DDX54: variants seen among roughly 807,000 people sequenced by gnomAD.
DDX54 encodes DEAD-box helicase 54, also known as ATP-dependent RNA helicase DDX54.
A neutral mutation model predicts 105.5 loss-of-function variants in DDX54; 67 were observed. That is an observed-to-expected ratio of 0.64 (90% CI 0.52 to 0.78). The LOEUF (loss-of-function observed/expected upper bound fraction) is 0.78. DDX54 is among the 30% of genes least tolerant of loss of function. The pLI is 0.00. For missense variants in DDX54, 1,206 were observed against 1,230.5 expected, an observed-to-expected ratio of 0.98 and a Z score of 0.30; for synonymous variants, 514 against 509.9, an observed-to-expected ratio of 1.01 and a Z score of -0.11.
chr12:113,157,998 G>C lies in DDX54; in HGVS notation c.*879C>G. 1 of 392,576 alleles carries C rather than the reference G, an allele frequency of 2.5e-6. No individual in the cohort carries two copies. Among genetic ancestry groups the C allele is most frequent in the East Asian group, 4.6e-5 (1 of 21,876 alleles). The allele number at this position is 392,576 out of a possible 1,614,324, so 24.3% of individuals were successfully genotyped here. A position where few individuals can be genotyped will look rare whatever the true frequency, so the allele number is the denominator to read the frequency against. On this transcript the variant is annotated 3_prime_UTR_variant, in exon 20 of 20. Transcript: ENST00000306014. The stretch of plus-strand genomic sequence containing the variant: ...GGGCATGAAAAAAAACTCTTTGTCA[G>C]GTCTCAGAACAGGGTCCATGCTAGA...
chr12:113,162,913 G>A lies in DDX54; in HGVS notation c.2195+19C>T, dbSNP rs1288830553. 11 of 1,561,778 alleles carry A rather than the reference G, an allele frequency of 7.0e-6. No individual in the cohort carries two copies. The highest frequency in any genetic ancestry group is 1.2e-5 in the South Asian group (1 of 83,292). On this transcript the variant is annotated intron_variant, in intron 17 of 19. Coordinates refer to ENST00000306014, the MANE Select transcript of DDX54 (RefSeq NM_024072.4). ...TCACTCACCCCGAGCATGGAGGGGC[G>A]GCTCACTCGATCACTCACCACTTGA...
intron 14 of DDX54, among the ~76,000 whole-genome samples, chr12:113,165,336 G>A (rs1952257969): frequency 6.6e-6 from 1 of 152,186 alleles, no homozygotes; most frequent in South Asian, 2.1e-4. Flanking sequence ...CCAGAAGCAT[G>A]TCACTTCCCC....
In DDX54 at chr12:113,181,233, T is replaced by C. The variant is rs552185322; in HGVS notation, c.175-175A>G. On this transcript the variant is annotated intron_variant, in intron 1 of 19. Transcript: ENST00000306014. ...CTTTGGCTGGGCCAGGACAGAAGTTTAGAGTGGGGTCTGCAGATAGACTGT... is the reference window on the plus strand; with the variant it reads ...CTTTGGCTGGGCCAGGACAGAAGTTCAGAGTGGGGTCTGCAGATAGACTGT... Among the ~76,000 whole-genome samples the C allele has an allele frequency of 8.5e-5, 13 of 152,234 alleles. No individual in the cohort carries two copies. In the South Asian group the frequency reaches 2.7e-3, roughly 32 times the overall value.
In DDX54 at chr12:113,180,978, C is replaced by T. The variant is rs1316515749; in HGVS notation, c.255G>A (p.Val85=). The T allele has an allele frequency of 1.2e-6, 2 of 1,613,850 alleles. No individual in the cohort carries two copies. The highest frequency in any genetic ancestry group is 1.3e-5 in the African/African-American group (1 of 75,038). Residue 85 remains valine, a synonymous_variant, in exon 2 of 20, where the codon GTG becomes GTA. Transcript: ENST00000306014. ...SDVEPDTREM[V]RAQNKKKKKS... The stretch of plus-strand genomic sequence containing the variant: ...TCTTCTTCTTCTTGTTCTGGGCACG[C>T]ACCATCTCCCGGGTGTCCGGCTCCA...
intron 19 of DDX54, 65 bp from the exon 20 acceptor site, chr12:113,159,174 A>G (rs1952175272): frequency 6.7e-7 from 1 of 1,491,410 alleles, no homozygotes; most frequent in African/African-American, 1.4e-5. Context: ...CTCCTCCCAG[A>G]AGCTTGCAGA....
Position 113,179,208 on chromosome 12 carries a change from C to T in DDX54, c.499G>A (p.Ala167Thr). The T allele has an allele frequency of 3.7e-6, 6 of 1,614,092 alleles. No individual in the cohort carries two copies. Among genetic ancestry groups the T allele is most frequent in the Non-Finnish European group, 5.1e-6 (6 of 1,180,002 alleles). ...RLKTHSAQTG[A>T]RALILSPTRE... ...GTCGGCGAGAGGATGAGGGCGCGGG[C>T]CCCGGTCTGGGCACTGTGGGTCTTG... Residue 167 changes from alanine (A) to threonine (T), a missense_variant, in exon 4 of 20, where the codon GCC becomes ACC. Coordinates refer to ENST00000306014, the MANE Select transcript of DDX54 (RefSeq NM_024072.4).
intron 19 of DDX54, among the ~76,000 whole-genome samples, chr12:113,160,156 A>G (rs1208168206): frequency 2.6e-5 from 4 of 152,198 alleles, no homozygotes; most frequent in Admixed American, 2.6e-4. Context: ...AGCCATGCTG[A>G]CAAGGAGACA....
At chr12:113,164,537 A>G (rs1193606024) in intron 14 of DDX54, among the ~76,000 whole-genome samples, 1 of 151,762 alleles carries the variant, frequency 6.6e-6, no homozygotes, top group Non-Finnish European at 1.5e-5. Flanking sequence ...AACACGGCGA[A>G]ACCCCATCTC....
At chr12:113,172,958 AT>A (rs568371025) in intron 10 of DDX54, among the ~76,000 whole-genome samples, 4,326 of 152,272 alleles carry the variant, frequency 0.028, 117 homozygotes, top group African/African-American at 0.07. Flanking sequence ...TTTGTGCCTT[AT>A]TATGAGGATC....
rs1419234748 is a variant in DDX54, at chr12:113,163,019, G to C, written c.2108C>G (p.Ala703Gly). Residue 703 changes from alanine (A) to glycine (G), a missense_variant, in exon 17 of 20, where the codon GCC (alanine) becomes GGC (glycine). This residue lies in a region of DDX54 where 961 missense variants were observed against 1,019.1 expected (regional missense o/e 0.94). Transcript: ENST00000306014. The surrounding 1 kb of genome is among the most constrained non-coding windows in gnomAD (Gnocchi z 5.9). ...RGLSISGEGG[A>G]FEQQAAGAVL... ...AGCGCCAGCTGCCTGCTGCTCAAAG[G>C]CTCCCCCTTCCCCGCTGATGCTCAG... The C allele has an allele frequency of 6.2e-7, 1 of 1,609,702 alleles. No individual in the cohort carries two copies. The highest frequency in any genetic ancestry group is 1.7e-5 in the Admixed American group (1 of 59,932).
At chr12:113,175,650 G>A (rs1167504432) in intron 7 of DDX54, among the ~76,000 whole-genome samples, 3 of 152,106 alleles carry the variant, frequency 2.0e-5, no homozygotes, top group Admixed American at 6.5e-5. Context: ...TTAGCCGGGC[G>A]TGGTGGCGGG....
Position 113,176,928 on chromosome 12 carries a change from C to A in DDX54, c.664G>T (p.Ala222Ser). The change falls in exon 7 of 20, where the codon GCC becomes TCC. Residue 222 changes from alanine to serine, a missense_variant. Coordinates refer to ENST00000306014, the MANE Select transcript of DDX54 (RefSeq NM_024072.4). ...ACATGCACCAACCGTCCGGGCGTGG[C>A]AATAATTCTGGAAGAGGGTGCACAG... ...ALHENPDIII[A>S]TPGRLVHVAV... 1 of 1,614,166 alleles carries A rather than the reference C, an allele frequency of 6.2e-7. No individual in the cohort carries two copies. The highest frequency in any genetic ancestry group is 1.1e-5 in the South Asian group (1 of 91,078).
intron 1 of DDX54, 105 bp downstream of exon 1, chr12:113,185,173 C>A: frequency 7.3e-7 from 1 of 1,370,322 alleles, no homozygotes; most frequent in Non-Finnish European, 9.5e-7. Flanking sequence ...CCTCCCTCCC[C>A]ACACTCTGCG....
In DDX54 at chr12:113,158,996, G is replaced by GCAGGAAGTGCAGCTT; in HGVS notation, c.2512_2526dup (p.Lys838_Leu842dup). The GCAGGAAGTGCAGCTT allele has an allele frequency of 6.2e-7, 1 of 1,611,566 alleles. No homozygotes were observed. Among genetic ancestry groups the GCAGGAAGTGCAGCTT allele is most frequent in the Middle Eastern group, 1.7e-4 (1 of 6,008 alleles). On this transcript the variant is annotated inframe_insertion, in exon 20 of 20. Transcript: ENST00000306014. The surrounding 1 kb of genome is among the most constrained non-coding windows in gnomAD (Gnocchi z 4.9). ...GAGAGCTGCTTGAGGCCACCACGCT[G>GCAGGAAGTGCAGCTT]CAGGAAGTGCAGCTTCTGGGCCCGG...
Position 113,178,545 on chromosome 12 carries a change from C to CT in DDX54, c.614+431dup, listed in dbSNP as rs886765741. 7.0e-3 allele frequency: 1,003 copies of CT among 143,538 alleles called. 7 individuals carry two copies. Among genetic ancestry groups the CT allele is most frequent in the African/African-American group, 0.021 (810 of 38,728 alleles). The allele number at this position is 143,538 out of a possible 1,614,324, so 8.9% of individuals were successfully genotyped here. A position where few individuals can be genotyped will look rare whatever the true frequency, so the allele number is the denominator to read the frequency against. ...TTCTTGGGTTTTTGTTTTGTTTTTT[C>CT]TTTTTTTTTTTTTTGAGATTGGAGT... On this transcript the variant is annotated intron_variant, in intron 5 of 19. Coordinates refer to ENST00000306014, the MANE Select transcript of DDX54 (RefSeq NM_024072.4).
chr12:113,164,343 T>C (rs1952248719), intron 14 of DDX54, 58 bp from the exon 15 acceptor site: 3 of 1,499,380 alleles, frequency 2.0e-6, no homozygotes, highest in Non-Finnish European at 1.8e-6. Context: ...ACCCCACCCT[T>C]ACCACTTGGT....
intron 11 of DDX54, 131 bp downstream of exon 11, chr12:113,172,222 G>T: frequency 9.9e-7 from 1 of 1,012,474 alleles, no homozygotes; most frequent in East Asian, 2.7e-5. Flanking sequence ...AAGCAATATA[G>T]CGAGGCTCTG....
At chr12:113,161,486 G>T in intron 18 of DDX54, 104 bp from the exon 19 acceptor site, 1 of 906,094 alleles carries the variant, frequency 1.1e-6, no homozygotes, top group Non-Finnish European at 1.7e-6. Flanking sequence ...AGCCGCAGCT[G>T]AAGCTGCTCG....
chr12:113,158,912 G>C lies in DDX54; in HGVS notation c.2611C>G (p.Arg871Gly). ...TTCCGCATCTTGCCCTTCTTGGAGC[G>C]GGCACCCCGGCCGAAGGCGCCCTGC... ...LQQGAFGRGA[R>G]SKKGKMRKRM is the part of the protein sequence containing the mutation. Residue 871 changes from arginine (R) to glycine (G), a missense_variant, in exon 20 of 20, where the codon CGC becomes GGC. This residue lies in a region of DDX54 where 961 missense variants were observed against 1,019.1 expected (regional missense o/e 0.94). Transcript: ENST00000306014. This position sits in a 1 kb window ranked among gnomAD's most constrained non-coding sequence, Gnocchi z 4.9. The C allele has an allele frequency of 6.2e-7, 1 of 1,607,960 alleles. No individual in the cohort carries two copies. Among genetic ancestry groups the C allele is most frequent in the Non-Finnish European group, 8.5e-7 (1 of 1,175,776 alleles).
Sources: allele counts gnomAD v4.1 joint callset (sites outside exome capture counted in the v4.1 genomes callset), GRCh38; gene constraint gnomAD v4.1.1; regional missense constraint gnomAD v4.1.1; non-coding constraint Gnocchi (gnomAD v3.1); transcripts MANE v1.5; gene names NCBI Gene and HGNC (gene_info 2026-07-23, HGNC 2026-07-21).